TBC1D30: variants seen among roughly 807,000 people sequenced by gnomAD.
The protein encoded by TBC1D30 is TBC1 domain family, member 30.
In TBC1D30, 31 loss-of-function variants were observed where a neutral mutation model predicts 63.2. That is an observed-to-expected ratio of 0.49 (90% CI 0.37 to 0.66). The LOEUF (loss-of-function observed/expected upper bound fraction) is 0.66. Ranked by LOEUF, TBC1D30 falls within the 30% of genes least tolerant of loss-of-function variation. TBC1D30 has a pLI of 0.00. For missense variants in TBC1D30, 810 were observed against 953.6 expected (o/e 0.85, Z 1.98); for synonymous variants, 307 against 361.5 (o/e 0.85, Z 1.71).
chr12:64,780,765 G>A, exon 1 of TBC1D30: 3 of 988,152 alleles, frequency 3.0e-6, no homozygotes, highest in Non-Finnish European at 3.6e-6. Context: ...GGCGCCGCGA[G>A]GCGGGAGGAG....
intron 11 of TBC1D30, among the ~76,000 whole-genome samples, chr12:64,871,558 A>T (rs985737347): frequency 6.6e-6 from 1 of 152,232 alleles, no homozygotes; most frequent in African/African-American, 2.4e-5. Context: ...ACAAAAACTG[A>T]ATTTACCTTC....
At chr12:64,859,386 G>A (rs1459655132) in intron 8 of TBC1D30, among the ~76,000 whole-genome samples, 1 of 152,160 alleles carries the variant, frequency 6.6e-6, no homozygotes, top group Admixed American at 6.5e-5. Context: ...TTGGAAAGGG[G>A]AATAGAAGAT....
rs1200673199 is a variant in TBC1D30, at chr12:64,795,704, C to CTTTTTTTTTTTTT, written c.643+9662_643+9674dup. ...AAATTCATTGCTGTTCTCCACGCTC[C>CTTTTTTTTTTTTT]TTTTTTTTTTTTTTTGTCCTTCACT... On this transcript the variant is annotated intron_variant, in intron 2 of 12. Transcript: ENST00000542120. Among the ~76,000 whole-genome samples the CTTTTTTTTTTTTT allele has an allele frequency of 3.0e-5, 4 of 133,128 alleles. 1 individual carries two copies. The highest frequency in any genetic ancestry group is 4.9e-5 in the Non-Finnish European group (3 of 61,400). 87.3% of individuals were successfully genotyped at this position (133,128 alleles called of 152,430 possible).
At chr12:64,843,632 A>G (rs1876098418) in intron 8 of TBC1D30, 147 bp downstream of exon 8, 2 of 609,138 alleles carry the variant, frequency 3.3e-6, no homozygotes, top group East Asian at 5.6e-5. Flanking sequence ...TTATAATTTG[A>G]TAAGAATCTA....
rs866458823 is a variant in TBC1D30 at position 64,860,036 on chromosome 12, A to T, written c.1039-4632A>T. On this transcript the variant is annotated intron_variant, in intron 8 of 11. Coordinates refer to ENST00000539867, the MANE Select transcript of TBC1D30 (RefSeq NM_015279.2). ...CTTCTTCTTTTTTTTTTTTTTTTTT[A>T]AAACATGGTCTCACTTTGTCACATA... Among the ~76,000 whole-genome samples, 957 of 142,382 alleles carry T rather than the reference A, an allele frequency of 6.7e-3. 15 individuals carry two copies. Among genetic ancestry groups the T allele is most frequent in the African/African-American group, 0.024 (891 of 37,254 alleles). 93.4% of individuals were successfully genotyped at this position (142,382 alleles called of 152,430 possible).
chr12:64,815,351 A>G (rs972762943), intron 2 of TBC1D30, among the ~76,000 whole-genome samples: 1 of 152,208 alleles, frequency 6.6e-6, no homozygotes, highest in African/African-American at 2.4e-5. Context: ...TCATTTTAAG[A>G]AATAAAATTC....
chr12:64,821,077 AAAG>A (rs952739293), upstream of TBC1D30, among the ~76,000 whole-genome samples: 12 of 152,256 alleles, frequency 7.9e-5, no homozygotes, highest in African/African-American at 2.9e-4. Flanking sequence ...TATTACAAGT[AAAG>A]AAGAATCTAA....
intron 1 of TBC1D30, among the ~76,000 whole-genome samples, chr12:64,771,262 C>A (rs1388933006): frequency 6.6e-6 from 1 of 151,756 alleles, no homozygotes; most frequent in Admixed American, 6.6e-5. Context: ...ACAAGGCAGG[C>A]CCATAGGGTT....
At chr12:64,852,128 A>T (rs974172767) in intron 8 of TBC1D30, among the ~76,000 whole-genome samples, 3 of 152,112 alleles carry the variant, frequency 2.0e-5, no homozygotes, top group Non-Finnish European at 2.9e-5. Context: ...ACTCAGTTCC[A>T]TTCTTCCCGT....
At chr12:64,871,015 A>G (rs771595755) in intron 11 of TBC1D30, among the ~76,000 whole-genome samples, 15 of 152,212 alleles carry the variant, frequency 9.9e-5, no homozygotes, top group Non-Finnish European at 1.8e-4. Context: ...GGTTCTTTTT[A>G]GGCCCCAAGG....
intron 2 of TBC1D30, among the ~76,000 whole-genome samples, chr12:64,796,026 C>G (rs2136309125): frequency 6.6e-6 from 1 of 152,006 alleles, no homozygotes; most frequent in East Asian, 1.9e-4. Flanking sequence ...CCTGGTCTAC[C>G]CTGAAATAAC....
chr12:64,777,968 G>T (rs1199152120), upstream of TBC1D30, among the ~76,000 whole-genome samples: 1 of 152,120 alleles, frequency 6.6e-6, no homozygotes, highest in Non-Finnish European at 1.5e-5. Flanking sequence ...CGCCATGTTG[G>T]CCAGGCTGTT....
intron 2 of TBC1D30, among the ~76,000 whole-genome samples, chr12:64,817,551 T>TGA (rs1371743892): frequency 6.6e-6 from 1 of 152,186 alleles, no homozygotes; most frequent in African/African-American, 2.4e-5. Context: ...CTGAATGAAC[T>TGA]CAACCTGGAG....
In TBC1D30 at chr12:64,870,816, G is replaced by T; in HGVS notation, c.1498+8G>T. 6.5e-7 allele frequency: 1 copy of T among 1,535,800 alleles called. No homozygotes were observed. Among genetic ancestry groups the T allele is most frequent in the South Asian group, 1.2e-5 (1 of 84,020 alleles). On this transcript the variant is annotated splice_region_variant and intron_variant, in intron 11 of 11. Transcript: ENST00000539867. ...AGGTGTACATCAGGGCAGGTAATGT[G>T]ATTCTTCATTTGAATCAATTTCAGC...
intron 2 of TBC1D30, among the ~76,000 whole-genome samples, chr12:64,813,907 G>C (rs891996392): frequency 2.0e-5 from 3 of 152,130 alleles, no homozygotes; most frequent in African/African-American, 7.2e-5. Flanking sequence ...AGGAGAGAGA[G>C]ACAACAATGA....
At chr12:64,847,878 A>G (rs1784582564) in intron 8 of TBC1D30, among the ~76,000 whole-genome samples, 1 of 151,838 alleles carries the variant, frequency 6.6e-6, no homozygotes, top group Non-Finnish European at 1.5e-5. Context: ...AATGTTCTGT[A>G]AATATCTACT....
At chr12:64,819,705 C>A (rs552996881), upstream of TBC1D30, among the ~76,000 whole-genome samples, 36 of 152,224 alleles carry the variant, frequency 2.4e-4, no homozygotes, top group South Asian at 6.6e-3. Context: ...CTTGTTAAGT[C>A]CCTACTTTAG....
At chr12:64,788,455 G>A (rs1420782597) in intron 2 of TBC1D30, among the ~76,000 whole-genome samples, 3 of 152,120 alleles carry the variant, frequency 2.0e-5, no homozygotes, top group Non-Finnish European at 4.4e-5. Flanking sequence ...TTGATGTGTG[G>A]GAAAGTATAA....
intron 8 of TBC1D30, among the ~76,000 whole-genome samples, chr12:64,863,856 T>TA: frequency 6.6e-6 from 1 of 152,252 alleles, no homozygotes. Flanking sequence ...ATCAGGCTAT[T>TA]TCTTTGGCTT....
Sources: allele counts gnomAD v4.1 joint callset (sites outside exome capture counted in the v4.1 genomes callset), GRCh38; gene constraint gnomAD v4.1.1; transcripts MANE v1.5; gene names NCBI Gene and HGNC (gene_info 2026-07-23, HGNC 2026-07-21).